Variants in SEC23B observed in about 807,000 individuals in gnomAD.
The protein encoded by SEC23B is protein transport protein Sec23B.
A neutral mutation model predicts 104.3 loss-of-function variants in SEC23B; 77 were observed. The observed-to-expected ratio is 0.74, with a 90% CI of 0.61 to 0.89. The LOEUF (loss-of-function observed/expected upper bound fraction) is 0.89. Among genes scored for constraint, SEC23B ranks in the 40% least tolerant of loss-of-function variants. The pLI is 0.00. For synonymous variants in SEC23B, 338 were observed against 332.5 expected (o/e 1.02, Z -0.18); for missense variants, 885 against 949.4 (o/e 0.93, Z 0.89).
chr20:18,539,985 A>G (rs548962417), intron 12 of SEC23B, among the ~76,000 whole-genome samples: 1 of 151,204 alleles, frequency 6.6e-6, no homozygotes, highest in East Asian at 2.0e-4. Context: ...TCCTTCCACC[A>G]CATCTTCAGT....
intron 9 of SEC23B, among the ~76,000 whole-genome samples, chr20:18,529,954 T>A (rs2060169229): frequency 6.6e-6 from 1 of 152,252 alleles, no homozygotes; most frequent in African/African-American, 2.4e-5. Context: ...ATGCATGAAA[T>A]GCTGACATTT....
intron 3 of SEC23B, 69 bp downstream of exon 3, chr20:18,512,351 G>A: frequency 9.6e-7 from 1 of 1,040,920 alleles, no homozygotes; most frequent in East Asian, 2.6e-5. Context: ...AATTAAGTTA[G>A]GTTGAATTTG....
At chr20:18,535,232 C>T (rs1269699765) in intron 11 of SEC23B, among the ~76,000 whole-genome samples, 1 of 150,148 alleles carries the variant, frequency 6.7e-6, no homozygotes, top group African/African-American at 2.5e-5. Context: ...TGTGTAAACC[C>T]GGAACGATGG....
At chr20:18,537,590 G>A (rs561459487) in intron 12 of SEC23B, among the ~76,000 whole-genome samples, 6 of 152,114 alleles carry the variant, frequency 3.9e-5, no homozygotes, top group Admixed American at 3.9e-4. Flanking sequence ...CTGTTGTGGG[G>A]TGGGGGAAGG....
At chr20:18,542,209 C>A in intron 12 of SEC23B, 87 bp from the exon 13 acceptor site, 1 of 1,107,246 alleles carries the variant, frequency 9.0e-7, no homozygotes, top group Non-Finnish European at 1.4e-6. Context: ...ATTGCTGTGT[C>A]AGTCATTTTA....
chr20:18,510,600 A>G (rs980783361), intron 1 of SEC23B, among the ~76,000 whole-genome samples: 3 of 152,168 alleles, frequency 2.0e-5, no homozygotes, highest in Admixed American at 1.3e-4. Flanking sequence ...CCCTGCCTCT[A>G]CTAAAAATAC....
In SEC23B at chr20:18,560,740, A is replaced by C; in HGVS notation, c.2304A>C (p.Ter768TyrextTer35). Residue 768 changes from the stop codon to tyrosine (Y), a stop_lost, in exon 20 of 20, where the codon TAA becomes TAC. Transcript: ENST00000650089. ...AGCTGGCTGTCTCCAGTGCCTGTTA[A>C]GCTGAGGATACAACCAGGAAATGCA... ...LKKLAVSSAC* is the reference protein window; with the variant it reads ...LKKLAVSSACY The C allele has an allele frequency of 6.2e-7, 1 of 1,610,608 alleles. No homozygotes were observed. The highest frequency in any genetic ancestry group is 8.5e-7 in the Non-Finnish European group (1 of 1,176,902).
At chr20:18,540,685 A>G (rs1023959744) in intron 12 of SEC23B, among the ~76,000 whole-genome samples, 3 of 152,118 alleles carry the variant, frequency 2.0e-5, no homozygotes, top group African/African-American at 7.2e-5. Flanking sequence ...GTGAGGCCTC[A>G]TCTCTACCAA....
chr20:18,559,223 T>C (rs926551039), intron 19 of SEC23B, among the ~76,000 whole-genome samples: 5 of 152,122 alleles, frequency 3.3e-5, no homozygotes, highest in East Asian at 3.9e-4. Context: ...AGCTCCCCCA[T>C]AGCCTCCAGT....
chr20:18,527,270 TTTAA>T (rs2060142088), intron 8 of SEC23B, among the ~76,000 whole-genome samples: 1 of 152,106 alleles, frequency 6.6e-6, no homozygotes, highest in African/African-American at 2.4e-5. Context: ...GGCGCACGCT[TTTAA>T]TCCCAGCTAC....
At chr20:18,524,911 CT>C in intron 5 of SEC23B, 23 bp from the exon 6 acceptor site, 2 of 1,594,228 alleles carry the variant, frequency 1.3e-6, no homozygotes, top group Non-Finnish European at 1.7e-6. Context: ...GGAAATGAAT[CT>C]TTTTGGCTTT....
intron 15 of SEC23B, among the ~76,000 whole-genome samples, chr20:18,547,246 C>T (rs1022560104): frequency 3.9e-5 from 6 of 152,094 alleles, no homozygotes; most frequent in South Asian, 2.1e-4. Context: ...ACAAGTTGCT[C>T]GCCCCTCTGT....
At position 18,540,030 on chromosome 20, in the gene SEC23B, T is replaced by TTACC. The variant is rs1555790050; in HGVS notation, c.1405-2264_1405-2263insCCTA. Among the ~76,000 whole-genome samples, 160 of 152,212 alleles carry TTACC rather than the reference T, an allele frequency of 1.1e-3. 1 individual carries two copies. Among genetic ancestry groups the TTACC allele is most frequent in the African/African-American group, 3.5e-3 (144 of 41,522 alleles). On this transcript the variant is annotated intron_variant, in intron 12 of 19. Transcript: ENST00000650089. ...CACTGAAGTCTCAAACCCCTCAAAA[T>TTACC]TATAAGAACTGGAGTAAACTTCCAA...
chr20:18,524,716 A>G (rs1185280623), intron 5 of SEC23B, 47 bp downstream of exon 5: 2 of 1,492,240 alleles, frequency 1.3e-6, no homozygotes, highest in South Asian at 2.3e-5. Context: ...CTTTTTTTTA[A>G]AAGAGACTGG....
intron 12 of SEC23B, among the ~76,000 whole-genome samples, chr20:18,537,843 T>G (rs1307881334): frequency 6.6e-6 from 1 of 152,036 alleles, no homozygotes; most frequent in African/African-American, 2.4e-5. Flanking sequence ...AGTCATACTC[T>G]TTTGCTGGTG....
chr20:18,560,121 TA>T, intron 19 of SEC23B, among the ~76,000 whole-genome samples: 2 of 151,982 alleles, frequency 1.3e-5, no homozygotes, highest in African/African-American at 4.8e-5. Context: ...TATATATATA[TA>T]TTTTTAATTT....
chr20:18,521,817 T>C (rs907432846), intron 4 of SEC23B, among the ~76,000 whole-genome samples: 1 of 151,998 alleles, frequency 6.6e-6, no homozygotes, highest in Non-Finnish European at 1.5e-5. Flanking sequence ...ACGAGTCGCA[T>C]TGGGAGCAGA....
At chr20:18,530,654 C>T in intron 9 of SEC23B, 26 bp from the exon 10 acceptor site, 2 of 1,610,858 alleles carry the variant, frequency 1.2e-6, no homozygotes, top group Non-Finnish European at 1.7e-6. Flanking sequence ...TCCTAATATT[C>T]ACTTGATTTT....
intron 16 of SEC23B, 128 bp downstream of exon 16, chr20:18,548,898 T>A: frequency 1.2e-6 from 1 of 862,686 alleles, no homozygotes; most frequent in Admixed American, 2.4e-5. Context: ...AATTTAACAT[T>A]ATTTCTATTA....
Sources: gnomAD v4.1 joint callset for allele counts (sites outside exome capture counted in the v4.1 genomes callset) on GRCh38, gnomAD v4.1.1 for gene constraint, MANE v1.5 for transcripts, NCBI Gene and HGNC (gene_info 2026-07-23, HGNC 2026-07-21) for gene names.